Variants in SASH1 observed in about 807,000 individuals in gnomAD.
SASH1 encodes the protein SAM and SH3 domain-containing protein 1.
In SASH1, 44 loss-of-function variants were observed where a neutral mutation model predicts 125.2. The observed-to-expected ratio is 0.35, with a 90% CI of 0.28 to 0.45. The LOEUF is 0.45. Among genes scored for constraint, SASH1 ranks in the 20% least tolerant of loss-of-function variants. The pLI is 1.00. For synonymous variants in SASH1, 639 were observed against 649.1 expected (o/e 0.98, Z 0.24); for missense variants, 1,426 against 1,614.5 (o/e 0.88, Z 2.00).
intron 1 of SASH1, among the ~76,000 whole-genome samples, chr6:148,277,597 C>G (rs971936109): frequency 2.6e-5 from 4 of 152,170 alleles, no homozygotes; most frequent in Non-Finnish European, 5.9e-5. Context: ...CGAAAGTTTG[C>G]AGACATTATT....
chr6:148,546,553 A>G (rs1178642477), intron 19 of SASH1, among the ~76,000 whole-genome samples: 1 of 152,226 alleles, frequency 6.6e-6, no homozygotes, highest in Non-Finnish European at 1.5e-5. Context: ...AGTTAGAAGC[A>G]TAACTTCCAA....
chr6:148,355,821 G>A (rs1438332530), intron 1 of SASH1, among the ~76,000 whole-genome samples: 2 of 152,144 alleles, frequency 1.3e-5, no homozygotes, highest in Admixed American at 6.6e-5. Flanking sequence ...CACTTCATAT[G>A]TACTTTTACA....
Position 148,548,802 on chromosome 6 carries a change from A to T in SASH1, c.*244A>T. ...AAAGACAAGACAAGCACTTATTTTT[A>T]TTTTCAGAAGACAAAAGAACCAAGA... On this transcript the variant is annotated 3_prime_UTR_variant, in exon 20 of 20. Transcript: ENST00000367467. 2.3e-6 allele frequency: 1 copy of T among 431,266 alleles called. No individual in the cohort carries two copies. The highest frequency in any genetic ancestry group is 4.1e-6 in the Non-Finnish European group (1 of 245,666). 26.7% of individuals were successfully genotyped at this position (431,266 alleles called of 1,614,324 possible). A position where few individuals can be genotyped will look rare whatever the true frequency, so the allele number is the denominator to read the frequency against.
At chr6:148,269,510 G>A (rs1054582695), upstream of SASH1, among the ~76,000 whole-genome samples, 6 of 152,050 alleles carry the variant, frequency 3.9e-5, no homozygotes, top group East Asian at 1.9e-4. Flanking sequence ...CCTCAGCCTC[G>A]CAAAGTGCTG....
intron 1 of SASH1, among the ~76,000 whole-genome samples, chr6:148,359,091 A>G (rs1369449037): frequency 1.4e-5 from 2 of 145,942 alleles, no homozygotes; most frequent in Non-Finnish European, 3.0e-5. Context: ...AAATAAAAAA[A>G]AAATACAAGT....
At chr6:148,252,264 A>C in the SASH1 span, among the ~76,000 whole-genome samples, 1 of 152,178 alleles carries the variant, frequency 6.6e-6, no homozygotes, top group Non-Finnish European at 1.5e-5. Context: ...GAGGAAAAAG[A>C]GTATATGTAC....
At chr6:148,405,905 G>A (rs921666134) in intron 2 of SASH1, among the ~76,000 whole-genome samples, 3 of 152,176 alleles carry the variant, frequency 2.0e-5, no homozygotes, top group African/African-American at 7.2e-5. Flanking sequence ...ACTTTAAAGT[G>A]CAACTTGTTA....
At chr6:148,375,197 G>T (rs1029523497) in intron 1 of SASH1, among the ~76,000 whole-genome samples, 5 of 151,616 alleles carry the variant, frequency 3.3e-5, no homozygotes, top group African/African-American at 4.9e-5. Context: ...TCACCATGTT[G>T]CCCAGGCTGG....
At position 148,343,208 on chromosome 6, in the gene SASH1, C is replaced by G; in HGVS notation, c.141C>G (p.Asp47Glu). Reference sequence around the variant, plus strand: ...AGGCGTTCTCCCGACTCTGGACCGACGTGATGGGTATCCTGGTAAGTTACC... The same window carrying G: ...AGGCGTTCTCCCGACTCTGGACCGAGGTGATGGGTATCCTGGTAAGTTACC... ...TSEAFSRLWTDVMGILDGSLG... is the reference protein window; with the variant it reads ...TSEAFSRLWTEVMGILDGSLG... Residue 47 changes from aspartate (D) to glutamate (E), a missense_variant, in exon 1 of 20, where the codon GAC becomes GAG. This residue lies in a region of SASH1 where 567 missense variants were observed against 575.6 expected (regional missense o/e 0.99). Transcript: ENST00000367467. 6.3e-7 allele frequency: 1 copy of G among 1,592,232 alleles called. No individual in the cohort carries two copies. The highest frequency in any genetic ancestry group is 8.5e-7 in the Non-Finnish European group (1 of 1,174,888).
intron 8 of SASH1, among the ~76,000 whole-genome samples, chr6:148,510,676 A>G (rs1387858021): frequency 1.3e-5 from 2 of 152,056 alleles, no homozygotes; most frequent in African/African-American, 4.8e-5. Context: ...TCAAGCCCCC[A>G]TCCCTGGTGG....
chr6:148,527,734 C>T (rs1035841424), intron 12 of SASH1, 138 bp downstream of exon 12: 7 of 813,514 alleles, frequency 8.6e-6, no homozygotes, highest in Non-Finnish European at 1.2e-5. Context: ...GCTTTATTTA[C>T]GTAGAGAAAC....
the SASH1 span, among the ~76,000 whole-genome samples, chr6:148,261,195 A>G: frequency 1.3e-5 from 2 of 152,194 alleles, no homozygotes; most frequent in Non-Finnish European, 2.9e-5. Context: ...TGACAAAAGA[A>G]AGTCCATAGC....
intron 8 of SASH1, among the ~76,000 whole-genome samples, chr6:148,494,980 T>G (rs563581069): frequency 1.3e-5 from 2 of 152,310 alleles, no homozygotes; most frequent in Admixed American, 1.3e-4. Flanking sequence ...GCCTCTCCAG[T>G]GGCCAGGTTT....
intron 2 of SASH1, among the ~76,000 whole-genome samples, chr6:148,439,924 T>A (rs1776473209): frequency 6.6e-6 from 1 of 152,174 alleles, no homozygotes; most frequent in Non-Finnish European, 1.5e-5. Flanking sequence ...TGACTGAAAT[T>A]GTGCTTTTTT....
intron 7 of SASH1, among the ~76,000 whole-genome samples, chr6:148,481,945 G>A (rs1778639226): frequency 6.6e-6 from 1 of 152,198 alleles, no homozygotes; most frequent in Admixed American, 6.5e-5. Context: ...TTTCTGTGAT[G>A]TGCAGTGAAG....
rs554268130 is a variant in SASH1 at position 148,451,346 on chromosome 6, G to T, written c.386+10939G>T. 3.3e-5 allele frequency among the ~76,000 whole-genome samples: 5 copies of T among 152,248 alleles called. No homozygotes were observed. The South Asian group carries it at 6.2e-4, about 19-fold the overall frequency. On this transcript the variant is annotated intron_variant, in intron 4 of 19. Coordinates refer to ENST00000367467, the MANE Select transcript of SASH1 (RefSeq NM_015278.5). ...GACGGTGTGAATAAAAAGTGCTTTCGGCTTGTAAATATCAACATTATAAAG... is the reference window on the plus strand; with the variant it reads ...GACGGTGTGAATAAAAAGTGCTTTCTGCTTGTAAATATCAACATTATAAAG...
upstream of SASH1, among the ~76,000 whole-genome samples, chr6:148,269,909 G>C (rs1779023071): frequency 6.6e-6 from 1 of 152,146 alleles, no homozygotes; most frequent in African/African-American, 2.4e-5. Context: ...GACTTTACTG[G>C]TATTTGGCAG....
At chr6:148,221,119 C>T in the SASH1 span, among the ~76,000 whole-genome samples, 2 of 152,164 alleles carry the variant, frequency 1.3e-5, no homozygotes, top group Admixed American at 6.5e-5. Flanking sequence ...CCATTCAACA[C>T]GTCTTACTGC....
At position 148,544,831 on chromosome 6, in the gene SASH1, C is replaced by G; in HGVS notation, c.3348+13C>G. The G allele has an allele frequency of 6.4e-7, 1 of 1,558,220 alleles. No homozygotes were observed. The highest frequency in any genetic ancestry group is 8.7e-7 in the Non-Finnish European group (1 of 1,150,434). ...GTATTCTGATAAGGTATCAAAGGTCCTGGGCCCACCACGTTCACAGGCCTT... is the reference window on the plus strand; with the variant it reads ...GTATTCTGATAAGGTATCAAAGGTCGTGGGCCCACCACGTTCACAGGCCTT... On this transcript the variant is annotated intron_variant, in intron 18 of 19. Transcript: ENST00000367467. The surrounding 1 kb of genome is among the most constrained non-coding windows in gnomAD (Gnocchi z 6.4).
Sources: allele counts gnomAD v4.1 joint callset (sites outside exome capture counted in the v4.1 genomes callset), GRCh38; gene constraint gnomAD v4.1.1; regional missense constraint gnomAD v4.1.1; non-coding constraint Gnocchi (gnomAD v3.1); transcripts MANE v1.5; gene names NCBI Gene and HGNC (gene_info 2026-07-23, HGNC 2026-07-21).